The following CACNA2D1 variants were observed in gnomAD, a reference collection of about 807,000 sequenced individuals.
The protein encoded by CACNA2D1 is voltage-dependent calcium channel subunit alpha-2/delta-1.
CACNA2D1 carries 53 observed loss-of-function variants against 171.5 expected under a neutral mutation model. The ratio of observed to expected loss-of-function variants is 0.31; its 90% confidence interval spans 0.25 to 0.39. The LOEUF is 0.39. Among genes scored for constraint, CACNA2D1 ranks in the 10% least tolerant of loss-of-function variants. The pLI is 1.00. For missense variants in CACNA2D1, 903 were observed against 1,299.8 expected (o/e 0.69, Z 4.69); for synonymous variants, 442 against 443.1 (o/e 1.00, Z 0.03).
chr7:82,197,142 G>A (rs963749551), intron 3 of CACNA2D1, among the ~76,000 whole-genome samples: 1 of 151,802 alleles, frequency 6.6e-6, no homozygotes, highest in African/African-American at 2.4e-5. Context: ...TACATCGTTG[G>A]ATATGAAAAT....
chr7:82,211,991 G>C (rs1266689310), intron 3 of CACNA2D1, among the ~76,000 whole-genome samples: 2 of 152,122 alleles, frequency 1.3e-5, no homozygotes, highest in African/African-American at 4.8e-5. Flanking sequence ...GTGATGTTGA[G>C]CATTGTTATA....
intron 3 of CACNA2D1, among the ~76,000 whole-genome samples, chr7:82,322,139 A>C (rs1585486754): frequency 6.8e-6 from 1 of 147,560 alleles, no homozygotes. Context: ...AAAAAAAAAA[A>C]AAAAAAAAAA....
chr7:82,009,121 T>C (rs1451459283), intron 15 of CACNA2D1: 1 of 152,100 alleles, frequency 6.6e-6, no homozygotes, highest in Non-Finnish European at 1.5e-5. Context: ...CTCGTGATAG[T>C]GAGTAATTTC....
intron 1 of CACNA2D1, among the ~76,000 whole-genome samples, chr7:82,396,323 G>C (rs1033576595): frequency 6.6e-6 from 1 of 151,962 alleles, no homozygotes; most frequent in African/African-American, 2.4e-5. Context: ...ATCTCTATAA[G>C]AAATAAAAAA....
chr7:82,129,598 C>T (rs1292635026), intron 5 of CACNA2D1, among the ~76,000 whole-genome samples: 1 of 152,076 alleles, frequency 6.6e-6, no homozygotes, highest in Non-Finnish European at 1.5e-5. Context: ...TTTTATAGAT[C>T]ATTGACTCTT....
At chr7:82,387,571 T>C (rs1213456781) in intron 1 of CACNA2D1, among the ~76,000 whole-genome samples, 2 of 152,186 alleles carry the variant, frequency 1.3e-5, no homozygotes, top group Non-Finnish European at 2.9e-5. Flanking sequence ...TTATAATATA[T>C]TGATATGATG....
chr7:82,084,048 A>C (rs1357054486), intron 7 of CACNA2D1, among the ~76,000 whole-genome samples: 1 of 152,212 alleles, frequency 6.6e-6, no homozygotes, highest in Non-Finnish European at 1.5e-5. Context: ...TTGCTCTAAA[A>C]AGTGGAGAAA....
intron 1 of CACNA2D1, among the ~76,000 whole-genome samples, chr7:82,438,937 A>G (rs1830297801): frequency 6.6e-6 from 1 of 152,182 alleles, no homozygotes; most frequent in Non-Finnish European, 1.5e-5. Flanking sequence ...CCAAAATGTT[A>G]TGTATACTTA....
At chr7:82,080,057 G>A (rs201111526) in intron 7 of CACNA2D1, among the ~76,000 whole-genome samples, 7 of 148,700 alleles carry the variant, frequency 4.7e-5, no homozygotes, top group South Asian at 4.2e-4. Context: ...ATATATGTGT[G>A]TATATATATA....
rs1389529434 is a variant in CACNA2D1, at chr7:82,443,436, G to GGCCAGCAGGCA, written c.13_23dup (p.Leu9AlafsTer5). 1.2e-6 allele frequency: 2 copies of GGCCAGCAGGCA among 1,607,722 alleles called. No individual in the cohort carries two copies. The highest frequency in any genetic ancestry group is 1.7e-6 in the Non-Finnish European group (2 of 1,176,774). The stretch of plus-strand genomic sequence containing the variant: ...AAGATTGGAAAAGTGTCAGAGTCAA[G>GGCCAGCAGGCA]GCCAGCAGGCAGCCAGCAGCCATCT... On this transcript the variant is annotated frameshift_variant, in exon 1 of 39. Transcript: ENST00000356860. LOFTEE classifies it high-confidence loss of function.
At chr7:82,285,943 G>A (rs1208463625) in intron 3 of CACNA2D1, among the ~76,000 whole-genome samples, 1 of 152,114 alleles carries the variant, frequency 6.6e-6, no homozygotes, top group East Asian at 1.9e-4. Flanking sequence ...AGCCACAGAT[G>A]GATTCCAGTG....
At chr7:82,394,716 C>T (rs532441116) in intron 1 of CACNA2D1, among the ~76,000 whole-genome samples, 1 of 152,240 alleles carries the variant, frequency 6.6e-6, no homozygotes, top group East Asian at 1.9e-4. Flanking sequence ...TCAGGATGAA[C>T]TCCACCATTA....
chr7:82,262,057 T>C (rs759864362), intron 3 of CACNA2D1, among the ~76,000 whole-genome samples: 3 of 152,162 alleles, frequency 2.0e-5, no homozygotes, highest in Non-Finnish European at 4.4e-5. Context: ...CAAGGCTGGG[T>C]GTGGTGGCTC....
At chr7:81,962,829 CCTT>C (rs1794301962) in intron 34 of CACNA2D1, among the ~76,000 whole-genome samples, 1 of 151,990 alleles carries the variant, frequency 6.6e-6, no homozygotes, top group Non-Finnish European at 1.5e-5. Flanking sequence ...CATTACGTCT[CCTT>C]ATTTTAGTTT....
At chr7:82,415,793 G>C (rs914037986) in intron 1 of CACNA2D1, among the ~76,000 whole-genome samples, 1 of 151,880 alleles carries the variant, frequency 6.6e-6, no homozygotes, top group Non-Finnish European at 1.5e-5. Context: ...AAAATGCCCA[G>C]AAGAAAAGCA....
Position 82,381,204 on chromosome 7 carries a change from C to G in CACNA2D1, c.96-31555G>C, listed in dbSNP as rs868598754. On this transcript the variant is annotated intron_variant, in intron 1 of 38. Transcript: ENST00000356860. The stretch of plus-strand genomic sequence containing the variant: ...TGGCGGGCCCCTGTAGTCCCAGCTA[C>G]CCGGGAGGCTGAGGCAGGAGAATGG... 1.2e-3 allele frequency among the ~76,000 whole-genome samples: 178 copies of G among 151,712 alleles called. 1 individual carries two copies. The highest frequency in any genetic ancestry group is 4.2e-3 in the African/African-American group (175 of 41,372).
chr7:82,356,146 T>G (rs986428077), intron 1 of CACNA2D1, among the ~76,000 whole-genome samples: 2 of 147,114 alleles, frequency 1.4e-5, no homozygotes, highest in Non-Finnish European at 3.0e-5. Flanking sequence ...GCTAAAGTAT[T>G]TAATATGCAT....
At chr7:82,122,683 T>C (rs994620489) in intron 5 of CACNA2D1, among the ~76,000 whole-genome samples, 3 of 152,238 alleles carry the variant, frequency 2.0e-5, no homozygotes, top group Non-Finnish European at 4.4e-5. Context: ...GAGTGATATT[T>C]ATCTTCTGCT....
chr7:82,114,890 C>T (rs1788865320), intron 6 of CACNA2D1, among the ~76,000 whole-genome samples: 1 of 151,986 alleles, frequency 6.6e-6, no homozygotes, highest in Non-Finnish European at 1.5e-5. Context: ...CAGTCTTCTA[C>T]GTAAATACAT....
Sources: gnomAD v4.1 joint callset for allele counts (sites outside exome capture counted in the v4.1 genomes callset) on GRCh38, gnomAD v4.1.1 for gene constraint, MANE v1.5 for transcripts, NCBI Gene and HGNC (gene_info 2026-07-23, HGNC 2026-07-21) for gene names.